FGF14: variants seen among roughly 807,000 people sequenced by gnomAD.
FGF14 encodes fibroblast growth factor 14, also known as fibroblast growth factor homologous factor 4.
Under a neutral mutation model 25.5 loss-of-function variants are expected in FGF14, and 5 were observed. The ratio of observed to expected loss-of-function variants is 0.20; its 90% CI spans 0.10 to 0.41. FGF14 has a LOEUF of 0.41. Ranked by LOEUF, FGF14 falls within the 10% of genes least tolerant of loss-of-function variation. The pLI, the probability that FGF14 is intolerant of heterozygous loss-of-function variation, is 1.00. For missense variants in FGF14, 222 were observed against 320.1 expected, an observed-to-expected ratio of 0.69 and a Z score of 2.34; for synonymous variants, 138 against 118.3, an observed-to-expected ratio of 1.17 and a Z score of -1.08.
At chr13:101,954,668 C>G (rs535694075) in intron 1 of FGF14, among the ~76,000 whole-genome samples, 6 of 152,076 alleles carry the variant, frequency 3.9e-5, no homozygotes, top group Admixed American at 3.3e-4. Flanking sequence ...CCTGAGGGCA[C>G]TCGGCAGAAG....
intron 1 of FGF14, among the ~76,000 whole-genome samples, chr13:102,122,135 A>T (rs1254206223): frequency 6.6e-6 from 1 of 152,202 alleles, no homozygotes; most frequent in Non-Finnish European, 1.5e-5. Flanking sequence ...AAAGCAACTT[A>T]ATTTATTCAC....
intron 1 of FGF14, among the ~76,000 whole-genome samples, chr13:102,126,665 T>C (rs765707239): frequency 6.6e-6 from 1 of 152,230 alleles, no homozygotes; most frequent in East Asian, 1.9e-4. Flanking sequence ...TTTGCAACCA[T>C]ACTTCAATTT....
chr13:102,041,595 A>G (rs111765476), intron 1 of FGF14, among the ~76,000 whole-genome samples: 37 of 149,954 alleles, frequency 2.5e-4, no homozygotes, highest in Admixed American at 4.2e-4. Context: ...AAAAAAAAAA[A>G]AGAGAGATTT....
intron 1 of FGF14, among the ~76,000 whole-genome samples, chr13:102,072,023 G>A (rs1036632437): frequency 6.6e-6 from 1 of 152,112 alleles, no homozygotes; most frequent in Non-Finnish European, 1.5e-5. Context: ...TTATACCACC[G>A]CAAAATAAGG....
intron 1 of FGF14, among the ~76,000 whole-genome samples, chr13:102,217,869 G>T (rs536472841): frequency 7.4e-4 from 113 of 152,268 alleles, no homozygotes; most frequent in African/African-American, 2.6e-3. Context: ...AGAGTAAGCT[G>T]AGAAAGCCCG....
intron 1 of FGF14, among the ~76,000 whole-genome samples, chr13:101,889,486 A>G: frequency 6.6e-6 from 1 of 152,154 alleles, no homozygotes; most frequent in East Asian, 1.9e-4. Flanking sequence ...GAGCTATTTT[A>G]TGGCCCTGAT....
At chr13:102,074,201 A>T (rs576557002) in intron 1 of FGF14, among the ~76,000 whole-genome samples, 115 of 152,212 alleles carry the variant, frequency 7.6e-4, no homozygotes, top group African/African-American at 2.6e-3. Flanking sequence ...TTTTGTAGAG[A>T]TGGGGTCTCA....
chr13:102,382,342 A>C (rs1422192089), intron 1 of FGF14, among the ~76,000 whole-genome samples: 1 of 152,138 alleles, frequency 6.6e-6, no homozygotes, highest in African/African-American at 2.4e-5. Context: ...CATTTCTCCA[A>C]AGATATACAA....
chr13:101,792,279 A>G (rs1184182029), intron 3 of FGF14, among the ~76,000 whole-genome samples: 1 of 152,130 alleles, frequency 6.6e-6, no homozygotes, highest in Non-Finnish European at 1.5e-5. Context: ...GCTGTGGTCC[A>G]CACCCAAACA....
intron 1 of FGF14, among the ~76,000 whole-genome samples, chr13:102,223,595 G>A (rs928363165): frequency 6.6e-6 from 1 of 152,056 alleles, no homozygotes; most frequent in Non-Finnish European, 1.5e-5. Context: ...AAGGACTTTT[G>A]GTCTATGGCT....
rs190179021 is a variant in FGF14 at position 101,755,057 on chromosome 13, C to T, written c.409-28247G>A. Among the ~76,000 whole-genome samples, 784 of 152,092 alleles carry T rather than the reference C, an allele frequency of 5.2e-3. 2 individuals are homozygous for T. Among genetic ancestry groups the T allele is most frequent in the Non-Finnish European group, 8.7e-3 (592 of 67,978 alleles). On this transcript the variant is annotated intron_variant, in intron 3 of 4. Transcript: ENST00000376143. ...CTAAGTATGTACATATAAACTTATACAAACAAATACTACAGAAACATTACT... is the reference window on the plus strand; with the variant it reads ...CTAAGTATGTACATATAAACTTATATAAACAAATACTACAGAAACATTACT...
chr13:102,341,966 T>A (rs2056965296), intron 1 of FGF14, among the ~76,000 whole-genome samples: 1 of 152,098 alleles, frequency 6.6e-6, no homozygotes, highest in Admixed American at 6.6e-5. Context: ...ATATGGAGCC[T>A]CCTAAGCTAC....
chr13:102,005,449 CCA>C (rs2039733462), intron 1 of FGF14, among the ~76,000 whole-genome samples: 2 of 152,144 alleles, frequency 1.3e-5, no homozygotes, highest in African/African-American at 4.8e-5. Flanking sequence ...CTTTTTCTTT[CCA>C]CAGAGCAGGA....
chr13:101,851,599 G>A (rs1566314169), intron 3 of FGF14, among the ~76,000 whole-genome samples: 3 of 152,192 alleles, frequency 2.0e-5, no homozygotes, highest in African/African-American at 4.8e-5. Context: ...TAAACAAGGC[G>A]ATTCAAAAGC....
At chr13:102,287,509 G>T (rs1314945051) in intron 1 of FGF14, among the ~76,000 whole-genome samples, 1 of 152,080 alleles carries the variant, frequency 6.6e-6, no homozygotes, top group African/African-American at 2.4e-5. Flanking sequence ...TCTGCAAAAT[G>T]TTTTCGACTT....
At chr13:102,341,012 A>G (rs2056934084) in intron 1 of FGF14, among the ~76,000 whole-genome samples, 1 of 152,208 alleles carries the variant, frequency 6.6e-6, no homozygotes, top group African/African-American at 2.4e-5. Flanking sequence ...TATGTGTTAA[A>G]TAGAAATGGA....
chr13:102,207,947 G>A (rs993003987), intron 1 of FGF14, among the ~76,000 whole-genome samples: 3 of 152,108 alleles, frequency 2.0e-5, no homozygotes, highest in Non-Finnish European at 2.9e-5. Context: ...TCACAAAAAT[G>A]TTTAGTGGGA....
At chr13:101,799,516 A>AAAAC (rs1198082873) in intron 3 of FGF14, among the ~76,000 whole-genome samples, 2 of 152,154 alleles carry the variant, frequency 1.3e-5, no homozygotes, top group Admixed American at 1.3e-4. Context: ...TTAAGGCAGC[A>AAAAC]AAACATGGCG....
intron 1 of FGF14, among the ~76,000 whole-genome samples, chr13:101,978,842 T>C (rs970817889): frequency 6.6e-6 from 1 of 152,166 alleles, no homozygotes; most frequent in East Asian, 1.9e-4. Flanking sequence ...GAGAATTAAT[T>C]TCCCCCAGCT....
Sources: allele counts gnomAD v4.1 joint callset (sites outside exome capture counted in the v4.1 genomes callset), GRCh38; gene constraint gnomAD v4.1.1; transcripts MANE v1.5; gene names NCBI Gene and HGNC (gene_info 2026-07-23, HGNC 2026-07-21).